Variants in DHRSX observed in about 807,000 individuals in gnomAD.
DHRSX encodes the protein dehydrogenase/reductase X-linked, also known as polyprenol dehydrogenase.
A neutral mutation model predicts 34.0 loss-of-function variants in DHRSX; 31 were observed. The ratio of observed to expected loss-of-function variants is 0.91; its 90% CI spans 0.69 to 1.23. The LOEUF (loss-of-function observed/expected upper bound fraction) is 1.23. Among genes scored for constraint, DHRSX ranks in the 50% most tolerant of loss-of-function variants. The pLI is 0.00. For synonymous variants in DHRSX, 201 were observed against 183.8 expected (o/e 1.09, Z -0.76); for missense variants, 414 against 428.1 (o/e 0.97, Z 0.29).
At chrX:2,275,978 G>A (rs192323834) in intron 4 of DHRSX, among the ~76,000 whole-genome samples, 1 of 152,070 alleles carries the variant, frequency 6.6e-6, no homozygotes, top group Non-Finnish European at 1.5e-5. Context: ...TGAGTAGCTG[G>A]GATTACAGGT....
intron 3 of DHRSX, among the ~76,000 whole-genome samples, chrX:2,394,956 G>A (rs750553252): frequency 2.0e-4 from 30 of 152,154 alleles, no homozygotes; most frequent in African/African-American, 7.2e-4. Context: ...AGCATTACAG[G>A]TGATGGAGGG....
At chrX:2,450,555 A>C (rs2044202483) in intron 1 of DHRSX, among the ~76,000 whole-genome samples, 1 of 152,076 alleles carries the variant, frequency 6.6e-6, no homozygotes. Flanking sequence ...TTTCCACAAA[A>C]GTTACATGTC....
At chrX:2,310,841 G>A (rs1449611547) in intron 3 of DHRSX, among the ~76,000 whole-genome samples, 5 of 151,754 alleles carry the variant, frequency 3.3e-5, no homozygotes, top group African/African-American at 4.8e-5. Flanking sequence ...CGGGTGGATC[G>A]CCTGATGTCA....
At chrX:2,452,460 C>T (rs1308145110) in intron 1 of DHRSX, among the ~76,000 whole-genome samples, 1 of 151,898 alleles carries the variant, frequency 6.6e-6, no homozygotes, top group Non-Finnish European at 1.5e-5. Flanking sequence ...TAAGGGACCT[C>T]CGCCATGTAC....
intron 1 of DHRSX, among the ~76,000 whole-genome samples, chrX:2,494,633 CATTATT>C (rs964155593): frequency 9.2e-5 from 14 of 151,606 alleles, no homozygotes; most frequent in Middle Eastern, 3.4e-3. Flanking sequence ...CTATTATTAT[CATTATT>C]ATTATTATTT....
At chrX:2,464,756 G>T (rs1311962119) in intron 1 of DHRSX, among the ~76,000 whole-genome samples, 2 of 149,886 alleles carry the variant, frequency 1.3e-5, no homozygotes, top group Admixed American at 6.7e-5. Flanking sequence ...TATACACACT[G>T]AAGACGTTCC....
At chrX:2,227,447 G>A (rs2015696606) in intron 6 of DHRSX, among the ~76,000 whole-genome samples, 1 of 148,556 alleles carries the variant, frequency 6.7e-6, no homozygotes, top group African/African-American at 2.5e-5. Flanking sequence ...CAGAGAGAGA[G>A]GGAGGGAGGC....
intron 6 of DHRSX, among the ~76,000 whole-genome samples, chrX:2,226,743 C>T (rs1223837882): frequency 2.0e-5 from 3 of 151,306 alleles, no homozygotes; most frequent in Non-Finnish European, 4.4e-5. Context: ...TGCAGTGAGC[C>T]GAGATGGCGC....
At chrX:2,352,605 G>C (rs934642724) in intron 3 of DHRSX, among the ~76,000 whole-genome samples, 6 of 152,144 alleles carry the variant, frequency 3.9e-5, no homozygotes, top group Non-Finnish European at 5.9e-5. Context: ...CTACCAACAA[G>C]TGTCTGCAGG....
intron 4 of DHRSX, among the ~76,000 whole-genome samples, chrX:2,271,640 C>T (rs1445646849): frequency 1.3e-5 from 2 of 152,174 alleles, no homozygotes; most frequent in African/African-American, 4.8e-5. Flanking sequence ...CAGTATCAAT[C>T]AGTCACAAGA....
chrX:2,410,432 C>T (rs1287845341), intron 2 of DHRSX, among the ~76,000 whole-genome samples: 1 of 152,204 alleles, frequency 6.6e-6, no homozygotes, highest in Non-Finnish European at 1.5e-5. Context: ...CGGTCTATCT[C>T]CATCCTACCT....
chrX:2,243,812 T>TTTTTTTTTTTG (rs1569478912), intron 5 of DHRSX, among the ~76,000 whole-genome samples: 1 of 121,846 alleles, frequency 8.2e-6, no homozygotes, highest in East Asian at 2.4e-4. Flanking sequence ...TTTTTTTTTT[T>TTTTTTTTTTTG]TTTTTTTTTT....
At chrX:2,318,694 C>T (rs1165102066) in intron 3 of DHRSX, among the ~76,000 whole-genome samples, 2 of 151,266 alleles carry the variant, frequency 1.3e-5, no homozygotes, top group Non-Finnish European at 2.9e-5. Flanking sequence ...TCCCAGAAAA[C>T]TCACGAATAA....
In DHRSX at chrX:2,316,455, G is replaced by A. The variant is rs2042242527; in HGVS notation, c.287-24852C>T. 2.0e-5 allele frequency among the ~76,000 whole-genome samples: 3 copies of A among 152,106 alleles called. No individual in the cohort carries two copies. The South Asian group carries it at 6.2e-4, about 32-fold the overall frequency. ...TAATCCCAGCTACTTGGGAGGCTGGGGCAGGAGAATCGCTTGAACCTGGGA... is the reference window on the plus strand; with the variant it reads ...TAATCCCAGCTACTTGGGAGGCTGGAGCAGGAGAATCGCTTGAACCTGGGA... On this transcript the variant is annotated intron_variant, in intron 3 of 6. Transcript: ENST00000334651.
At chrX:2,247,527 G>A (rs1255837750) in intron 5 of DHRSX, among the ~76,000 whole-genome samples, 2 of 151,520 alleles carry the variant, frequency 1.3e-5, no homozygotes, top group South Asian at 2.1e-4. Flanking sequence ...GGTGGCGGGC[G>A]CCTGTAGTCC....
intron 3 of DHRSX, among the ~76,000 whole-genome samples, chrX:2,343,899 T>C (rs999102862): frequency 6.6e-6 from 1 of 152,222 alleles, no homozygotes; most frequent in East Asian, 1.9e-4. Flanking sequence ...AGCAGGAGCC[T>C]GTGCGCCTGT....
chrX:2,266,591 C>T, intron 5 of DHRSX, 149 bp downstream of exon 5: 1 of 776,544 alleles, frequency 1.3e-6, no homozygotes, highest in Non-Finnish European at 2.2e-6. Context: ...GTCCCCAAAG[C>T]ACCAGTGCTC....
chrX:2,347,329 C>T (rs1212688029), intron 3 of DHRSX, among the ~76,000 whole-genome samples: 1 of 152,164 alleles, frequency 6.6e-6, no homozygotes, highest in African/African-American at 2.4e-5. Flanking sequence ...ATGAGAACAG[C>T]AGGGCAAAGA....
intron 3 of DHRSX, among the ~76,000 whole-genome samples, chrX:2,391,219 G>C (rs2043331793): frequency 6.6e-6 from 1 of 152,156 alleles, no homozygotes; most frequent in South Asian, 2.1e-4. Context: ...TTTATTTCAT[G>C]GAATGCTGTT....
Sources: gnomAD v4.1 joint callset for allele counts (sites outside exome capture counted in the v4.1 genomes callset) on GRCh38, gnomAD v4.1.1 for gene constraint, MANE v1.5 for transcripts, NCBI Gene and HGNC (gene_info 2026-07-23, HGNC 2026-07-21) for gene names.